MLIP: variants seen among roughly 807,000 people sequenced by gnomAD.
The protein encoded by MLIP is muscular LMNA interacting protein.
MLIP carries 79 observed loss-of-function variants against 84.8 expected under a neutral mutation model. The ratio of observed to expected loss-of-function variants is 0.93; its 90% CI spans 0.78 to 1.12. MLIP has a LOEUF of 1.12. Among genes scored for constraint, MLIP ranks in the 50% most tolerant of loss-of-function variants. MLIP has a pLI of 0.00. For missense variants in MLIP, 1,257 were observed against 1,160.6 expected (o/e 1.08, Z -1.21); for synonymous variants, 504 against 463.0 (o/e 1.09, Z -1.14).
intron 1 of MLIP, among the ~76,000 whole-genome samples, chr6:54,062,711 A>G (rs1050729301): frequency 6.6e-6 from 1 of 151,666 alleles, no homozygotes; most frequent in African/African-American, 2.4e-5. Context: ...CTTAATTTTA[A>G]TATCTATTTT....
intron 3 of MLIP, among the ~76,000 whole-genome samples, chr6:54,131,919 G>C (rs1431505337): frequency 6.6e-6 from 1 of 152,192 alleles, no homozygotes; most frequent in Non-Finnish European, 1.5e-5. Flanking sequence ...CCATGTCAGT[G>C]ATTGGCTGTT....
At chr6:54,214,078 C>T (rs561973215) in intron 11 of MLIP, among the ~76,000 whole-genome samples, 20 of 152,276 alleles carry the variant, frequency 1.3e-4, no homozygotes, top group African/African-American at 4.3e-4. Context: ...CATTTTCAAG[C>T]AACTTATACT....
chr6:54,054,373 T>C (rs1765529805), intron 1 of MLIP, among the ~76,000 whole-genome samples: 1 of 150,922 alleles, frequency 6.6e-6, no homozygotes, highest in Non-Finnish European at 1.5e-5. Flanking sequence ...TTGTGTCAGA[T>C]TGAGTTTCGA....
At chr6:54,144,645 G>A (rs933226931) in intron 4 of MLIP, among the ~76,000 whole-genome samples, 3 of 152,156 alleles carry the variant, frequency 2.0e-5, no homozygotes, top group Non-Finnish European at 4.4e-5. Flanking sequence ...AGTCATACAC[G>A]CTCACCTGCT....
chr6:54,184,948 AT>A (rs952504492), intron 9 of MLIP, among the ~76,000 whole-genome samples: 2 of 152,198 alleles, frequency 1.3e-5, no homozygotes, highest in Non-Finnish European at 2.9e-5. Context: ...GATATGAATG[AT>A]CAAAATTTTA....
At position 54,152,952 on chromosome 6, in the gene MLIP, AT is replaced by A. The variant is rs572778521; in HGVS notation, c.2289+3831del. Among the ~76,000 whole-genome samples the A allele has an allele frequency of 1.3e-3, 205 of 152,166 alleles. 1 individual carries two copies. Among genetic ancestry groups the A allele is most frequent in the African/African-American group, 4.9e-3 (202 of 41,516 alleles). ...TTAATATTTTTCCATGAAAATATAA[AT>A]TTTTTCCTTGAAAGTAATTTAAACT... On this transcript the variant is annotated intron_variant, in intron 5 of 13. Coordinates refer to ENST00000502396, the MANE Select transcript of MLIP (RefSeq NM_001281747.2).
chr6:54,265,426 G>C (rs1783630428), intron 13 of MLIP, among the ~76,000 whole-genome samples: 1 of 152,086 alleles, frequency 6.6e-6, no homozygotes, highest in Non-Finnish European at 1.5e-5. Flanking sequence ...AAAATTGTAA[G>C]ATCAAGCAAA....
intron 1 of MLIP, among the ~76,000 whole-genome samples, chr6:54,025,095 C>T (rs909725880): frequency 5.9e-5 from 9 of 151,878 alleles, no homozygotes; most frequent in East Asian, 1.9e-4. Flanking sequence ...GCACTCTGCC[C>T]GCCTCGGCCT....
chr6:54,200,234 C>T (rs529078693), intron 10 of MLIP, among the ~76,000 whole-genome samples: 3 of 152,210 alleles, frequency 2.0e-5, no homozygotes, highest in South Asian at 2.1e-4. Flanking sequence ...TGCCTGCTTG[C>T]GATAAAGGGA....
chr6:54,213,827 T>C (rs77191239), intron 11 of MLIP, among the ~76,000 whole-genome samples: 4,716 of 151,944 alleles, frequency 0.031, 225 homozygotes, highest in African/African-American at 0.11. Context: ...ACATGCTTTT[T>C]GAATCAATAA....
Position 54,068,222 on chromosome 6 carries a change from C to T in MLIP, c.63+49131C>T, listed in dbSNP as rs1292374943. On this transcript the variant is annotated intron_variant, in intron 1 of 12. Transcript: ENST00000274897. ...CATAATCTCGGCTTATTGCAACCTCCGCCTCCTGAGTTTAAGCAATTCTCC... is the reference window on the plus strand; with the variant it reads ...CATAATCTCGGCTTATTGCAACCTCTGCCTCCTGAGTTTAAGCAATTCTCC... Among the ~76,000 whole-genome samples the T allele has an allele frequency of 4.3e-5, 4 of 93,898 alleles. 1 individual carries two copies. The highest frequency in any genetic ancestry group is 2.9e-4 in the East Asian group (1 of 3,486). 61.6% of individuals were successfully genotyped at this position (93,898 alleles called of 152,430 possible). A position where few individuals can be genotyped will look rare whatever the true frequency, so the allele number is the denominator to read the frequency against.
chr6:54,262,460 C>A (rs1783448799), intron 13 of MLIP, among the ~76,000 whole-genome samples: 1 of 152,004 alleles, frequency 6.6e-6, no homozygotes, highest in Non-Finnish European at 1.5e-5. Flanking sequence ...ATACATAGTT[C>A]ATCTTAAGTT....
In MLIP at chr6:54,257,229, T is replaced by C. The variant is rs565297729; in HGVS notation, c.2923-79T>C. Reference sequence around the variant, plus strand: ...AATAAAATATTTATGTCATTGTCAATCTGTTTAAATGAAATTTTAACATTT... The same window carrying C: ...AATAAAATATTTATGTCATTGTCAACCTGTTTAAATGAAATTTTAACATTT... On this transcript the variant is annotated intron_variant, in intron 12 of 13. Transcript: ENST00000502396. 7.2e-4 allele frequency: 697 copies of C among 966,190 alleles called. 1 individual carries two copies. Among genetic ancestry groups the C allele is most frequent in the South Asian group, 1.1e-3 (77 of 71,858 alleles). The allele number at this position is 966,190 out of a possible 1,614,324, so 59.9% of individuals were successfully genotyped here.
Position 54,213,734 on chromosome 6 carries a change from A to AACAAAAAAC in MLIP, c.2718+11502_2718+11503insCAAAAAACA, listed in dbSNP as rs1554185767. ...AAAAAAAAAAAAAAAAAAAAAAAAA[A>AACAAAAAAC]AACAACAAACAGCATATCTTGTATG... On this transcript the variant is annotated intron_variant, in intron 11 of 13. Coordinates refer to ENST00000502396, the MANE Select transcript of MLIP (RefSeq NM_001281747.2). 6.1e-5 allele frequency among the ~76,000 whole-genome samples: 5 copies of AACAAAAAAC among 82,372 alleles called. 1 individual carries two copies. Among genetic ancestry groups the AACAAAAAAC allele is most frequent in the South Asian group, 8.3e-4 (2 of 2,424 alleles). The allele number at this position is 82,372 out of a possible 152,430, so 54.0% of individuals were successfully genotyped here. A position where few individuals can be genotyped will look rare whatever the true frequency, so the allele number is the denominator to read the frequency against.
At chr6:54,240,568 C>T (rs1428901185) in intron 12 of MLIP, among the ~76,000 whole-genome samples, 1 of 152,198 alleles carries the variant, frequency 6.6e-6, no homozygotes. Flanking sequence ...TCTCTTCCTG[C>T]GGGTTTCTGT....
rs949908749 is a variant in MLIP, at chr6:54,139,166, AT to A, written c.2217+888del. ...GGTTTCTTTTAAAGGGAAGTAAGAG[AT>A]TTTTTTTGTCTTAGAATAATTCAAT... On this transcript the variant is annotated intron_variant, in intron 4 of 13. Coordinates refer to ENST00000502396, the MANE Select transcript of MLIP (RefSeq NM_001281747.2). Among the ~76,000 whole-genome samples the A allele has an allele frequency of 7.1e-4, 107 of 150,448 alleles. 1 individual carries two copies. The highest frequency in any genetic ancestry group is 3.4e-3 in the Middle Eastern group (1 of 290).
intron 1 of MLIP, among the ~76,000 whole-genome samples, chr6:54,092,981 A>G (rs1483655514): frequency 2.0e-5 from 3 of 152,092 alleles, no homozygotes; most frequent in African/African-American, 4.8e-5. Flanking sequence ...GGTTCAAGCA[A>G]TTCTCCTGCC....
At chr6:54,100,235 G>A (rs1561929791) in intron 1 of MLIP, among the ~76,000 whole-genome samples, 3 of 152,110 alleles carry the variant, frequency 2.0e-5, no homozygotes. Flanking sequence ...AAGTGATGGA[G>A]CCATTCTTTG....
At chr6:54,120,957 C>G (rs1248268439) in intron 1 of MLIP, among the ~76,000 whole-genome samples, 1 of 152,084 alleles carries the variant, frequency 6.6e-6, no homozygotes, top group East Asian at 1.9e-4. Flanking sequence ...TTAAGAGTAG[C>G]ATTGGTATTC....
Sources: allele counts gnomAD v4.1 joint callset (sites outside exome capture counted in the v4.1 genomes callset), GRCh38; gene constraint gnomAD v4.1.1; transcripts MANE v1.5; gene names NCBI Gene and HGNC (gene_info 2026-07-23, HGNC 2026-07-21).